The following TM9SF3 variants were observed in gnomAD, a reference collection of about 807,000 sequenced individuals.
The protein encoded by TM9SF3 is transmembrane 9 superfamily member 3, also known as SM-11044-binding protein.
TM9SF3 carries 14 observed loss-of-function variants against 78.6 expected under a neutral mutation model. The observed-to-expected ratio is 0.18, with a 90% CI of 0.12 to 0.28. TM9SF3 has a LOEUF of 0.28. Ranked by LOEUF, TM9SF3 falls within the 10% of genes least tolerant of loss-of-function variation. The pLI is 1.00. For missense variants in TM9SF3, 496 were observed against 721.9 expected, an observed-to-expected ratio of 0.69 and a Z score of 3.59; for synonymous variants, 231 against 241.7, an observed-to-expected ratio of 0.96 and a Z score of 0.41.
chr10:96,527,469 T>C lies in TM9SF3; in HGVS notation c.1569A>G (p.Ala523=), dbSNP rs1392356304. ...RWQWTSFLSA[A]STAIYVYMYS... ...ACATGTAAACATAGATTGCAGTTGATGCAGCAGAGAGAAAACTTGTCCATT... is the reference window on the plus strand; with the variant it reads ...ACATGTAAACATAGATTGCAGTTGACGCAGCAGAGAGAAAACTTGTCCATT... The change falls in exon 13 of 15, where the codon GCA becomes GCG. Residue 523 remains alanine (A), a synonymous_variant. Transcript: ENST00000371142. 1 of 1,610,808 alleles carries C rather than the reference T, an allele frequency of 6.2e-7. No homozygotes were observed. Among genetic ancestry groups the C allele is most frequent in the South Asian group, 1.1e-5 (1 of 90,506 alleles).
chr10:96,567,810 C>T (rs1848395999), intron 2 of TM9SF3, among the ~76,000 whole-genome samples: 1 of 152,104 alleles, frequency 6.6e-6, no homozygotes, highest in Admixed American at 6.5e-5. Context: ...AGGCACTAAA[C>T]AAATAAACAA....
At chr10:96,556,441 G>A (rs988166541) in intron 5 of TM9SF3, among the ~76,000 whole-genome samples, 3 of 152,106 alleles carry the variant, frequency 2.0e-5, no homozygotes, top group Non-Finnish European at 4.4e-5. Flanking sequence ...CATAGTAAGC[G>A]GCAAAGCATC....
chr10:96,585,222 T>C (rs1257354158), intron 1 of TM9SF3, among the ~76,000 whole-genome samples: 2 of 152,180 alleles, frequency 1.3e-5, no homozygotes, highest in East Asian at 1.9e-4. Flanking sequence ...GAGTTTCATA[T>C]GGTAACTTTT....
Position 96,586,969 on chromosome 10 carries a change from C to T in TM9SF3, c.-134G>A, listed in dbSNP as rs1246198117. 4.5e-6 allele frequency: 3 copies of T among 666,154 alleles called. No individual in the cohort carries two copies. Among genetic ancestry groups the T allele is most frequent in the East Asian group, 5.7e-5 (1 of 17,570 alleles). 41.3% of individuals were successfully genotyped at this position (666,154 alleles called of 1,614,324 possible). On this transcript the variant is annotated 5_prime_UTR_variant, in exon 1 of 15. Transcript: ENST00000371142. ...ACAGACGCACGGGGCCCGGCCCAGC[C>T]GCTGCCTCCTCTGCCGCCGCCGTCG...
At chr10:96,574,633 C>T (rs955559176) in intron 2 of TM9SF3, among the ~76,000 whole-genome samples, 2 of 152,174 alleles carry the variant, frequency 1.3e-5, no homozygotes, top group African/African-American at 4.8e-5. Flanking sequence ...TGTATGTTTA[C>T]TGTGGCACTA....
chr10:96,548,546 C>T (rs187658256), intron 7 of TM9SF3, among the ~76,000 whole-genome samples: 38 of 152,088 alleles, frequency 2.5e-4, no homozygotes, highest in African/African-American at 8.9e-4. Flanking sequence ...ACCTGTAATC[C>T]GAGCACTTTG....
chr10:96,570,044 G>GA (rs983756922), intron 2 of TM9SF3, among the ~76,000 whole-genome samples: 4 of 151,736 alleles, frequency 2.6e-5, no homozygotes, highest in Non-Finnish European at 5.9e-5. Flanking sequence ...GAAAATGGGG[G>GA]AAAAAAACCA....
intron 8 of TM9SF3, among the ~76,000 whole-genome samples, chr10:96,545,343 AC>A (rs1848084084): frequency 6.6e-6 from 1 of 152,194 alleles, no homozygotes; most frequent in Non-Finnish European, 1.5e-5. Flanking sequence ...TTCTTTTAAA[AC>A]ATCTGTTACA....
At chr10:96,567,082 G>GT (rs1488750401) in intron 2 of TM9SF3, among the ~76,000 whole-genome samples, 6 of 97,390 alleles carry the variant, frequency 6.2e-5, no homozygotes, top group African/African-American at 2.0e-4. Flanking sequence ...TCTGTATAAA[G>GT]CCTTTTTTTT....
chr10:96,575,568 A>G (rs1017081108), intron 2 of TM9SF3, among the ~76,000 whole-genome samples: 2 of 152,170 alleles, frequency 1.3e-5, no homozygotes, highest in African/African-American at 4.8e-5. Flanking sequence ...AAATTAAAGT[A>G]ACATTATCTT....
At chr10:96,533,851 G>A (rs189448090) in intron 9 of TM9SF3, among the ~76,000 whole-genome samples, 1 of 152,098 alleles carries the variant, frequency 6.6e-6, no homozygotes, top group Non-Finnish European at 1.5e-5. Context: ...AAGACCATAC[G>A]GAGATTTTAG....
At chr10:96,548,535 C>T (rs1238682291) in intron 7 of TM9SF3, among the ~76,000 whole-genome samples, 2 of 152,154 alleles carry the variant, frequency 1.3e-5, no homozygotes, top group African/African-American at 4.8e-5. Flanking sequence ...CAGTGGCTCA[C>T]ACCTGTAATC....
intron 10 of TM9SF3, among the ~76,000 whole-genome samples, chr10:96,532,155 A>G (rs1847904972): frequency 6.6e-6 from 1 of 151,858 alleles, no homozygotes; most frequent in African/African-American, 2.4e-5. Flanking sequence ...GCTTGCAGTG[A>G]GCCGAGATCA....
intron 9 of TM9SF3, 51 bp from the exon 10 acceptor site, chr10:96,533,241 A>T (rs1182580584): frequency 1.3e-6 from 2 of 1,555,390 alleles, no homozygotes; most frequent in Middle Eastern, 1.7e-4. Flanking sequence ...TAACATTAAT[A>T]TAAACAAATA....
At chr10:96,537,856 C>T (rs1010664867) in intron 9 of TM9SF3, among the ~76,000 whole-genome samples, 1 of 152,204 alleles carries the variant, frequency 6.6e-6, no homozygotes, top group South Asian at 2.1e-4. Context: ...AACCTGAACA[C>T]TAAAATCTAT....
At chr10:96,537,630 C>T (rs756778392) in intron 9 of TM9SF3, among the ~76,000 whole-genome samples, 30 of 152,136 alleles carry the variant, frequency 2.0e-4, no homozygotes, top group Non-Finnish European at 5.9e-5. Flanking sequence ...GTCAGGAGTT[C>T]GAGGCAAGCC....
intron 1 of TM9SF3, among the ~76,000 whole-genome samples, chr10:96,580,042 A>C (rs1848543984): frequency 2.6e-5 from 4 of 152,170 alleles, no homozygotes; most frequent in Admixed American, 2.6e-4. Context: ...GGAGTCACAG[A>C]AGCACAGCAG....
chr10:96,585,615 T>C (rs190910539), intron 1 of TM9SF3, among the ~76,000 whole-genome samples: 18 of 152,338 alleles, frequency 1.2e-4, no homozygotes, highest in Admixed American at 1.2e-3. Flanking sequence ...AGATCCCAGC[T>C]AGCCAAGGAT....
At chr10:96,559,602 G>A in intron 5 of TM9SF3, 57 bp downstream of exon 5, 1 of 1,257,940 alleles carries the variant, frequency 7.9e-7, no homozygotes. Context: ...GATACTCAAT[G>A]TTTGTTGAAC....
Sources: gnomAD v4.1 joint callset for allele counts (sites outside exome capture counted in the v4.1 genomes callset) on GRCh38, gnomAD v4.1.1 for gene constraint, MANE v1.5 for transcripts, NCBI Gene and HGNC (gene_info 2026-07-23, HGNC 2026-07-21) for gene names.